The following DMRT1 variants were observed in gnomAD, a reference collection of about 807,000 sequenced individuals.
The protein encoded by DMRT1 is doublesex and mab-3 related transcription factor 1.
A neutral mutation model predicts 32.3 loss-of-function variants in DMRT1; 7 were observed. The ratio of observed to expected loss-of-function variants is 0.22; its 90% confidence interval spans 0.12 to 0.41. DMRT1 has a LOEUF of 0.41. Ranked by LOEUF, DMRT1 falls within the 10% of genes least tolerant of loss-of-function variation. DMRT1 has a pLI of 1.00. For missense variants in DMRT1, 625 were observed against 500.5 expected, an observed-to-expected ratio of 1.25 and a Z score of -2.37; for synonymous variants, 278 against 206.1, an observed-to-expected ratio of 1.35 and a Z score of -2.99.
intron 2 of DMRT1, among the ~76,000 whole-genome samples, chr9:879,953 A>T (rs2132627177): frequency 6.6e-6 from 1 of 152,358 alleles, no homozygotes; most frequent in South Asian, 2.1e-4. Context: ...TGTTAGAATA[A>T]TCTTCAAGTT....
chr9:967,168 T>G (rs1819955762), intron 4 of DMRT1, among the ~76,000 whole-genome samples: 1 of 151,934 alleles, frequency 6.6e-6, no homozygotes, highest in African/African-American at 2.4e-5. Flanking sequence ...AGGAAGGGAG[T>G]TCTGGGGGTG....
chr9:960,039 T>G (rs1819721898), intron 4 of DMRT1, among the ~76,000 whole-genome samples: 1 of 152,220 alleles, frequency 6.6e-6, no homozygotes, highest in African/African-American at 2.4e-5. Flanking sequence ...TACCCGAGGT[T>G]TGTCTTTTAC....
intron 2 of DMRT1, among the ~76,000 whole-genome samples, chr9:869,745 CATT>C (rs776552176): frequency 4.6e-5 from 7 of 152,062 alleles, no homozygotes; most frequent in Non-Finnish European, 1.0e-4. Context: ...ATCTGTTTCT[CATT>C]ATTTTCTATT....
Position 841,835 on chromosome 9 carries a change from C to A in DMRT1, c.-4C>A. The A allele has an allele frequency of 6.2e-7, 1 of 1,609,234 alleles. No homozygotes were observed. The highest frequency in any genetic ancestry group is 8.5e-7 in the Non-Finnish European group (1 of 1,178,202). On this transcript the variant is annotated 5_prime_UTR_variant, in exon 1 of 5. Transcript: ENST00000382276. ...AGAGTGCTCGCACTTCTCCTAGGGG[C>A]ACCATGCCCAACGACGAGGCATTCA...
At chr9:877,381 A>G (rs1023953695) in intron 2 of DMRT1, among the ~76,000 whole-genome samples, 8 of 152,200 alleles carry the variant, frequency 5.3e-5, no homozygotes, top group African/African-American at 1.9e-4. Context: ...ATGGTAGAGG[A>G]GACAAAGAAA....
chr9:845,202 C>G (rs1196990233), intron 1 of DMRT1, among the ~76,000 whole-genome samples: 1 of 151,864 alleles, frequency 6.6e-6, no homozygotes, highest in African/African-American at 2.4e-5. Context: ...TTTTTTCAAT[C>G]TTATTATTTA....
intron 1 of DMRT1, among the ~76,000 whole-genome samples, chr9:843,906 T>C (rs556409116): frequency 8.5e-5 from 13 of 152,334 alleles, no homozygotes; most frequent in African/African-American, 2.4e-5. Context: ...AATTTCTTAA[T>C]AGATTTTTAA....
chr9:952,926 A>G (rs566391871), intron 4 of DMRT1, among the ~76,000 whole-genome samples: 42 of 152,138 alleles, frequency 2.8e-4, no homozygotes, highest in Non-Finnish European at 4.4e-4. Flanking sequence ...TTTGTTGATC[A>G]TTTTTTAAAG....
intron 2 of DMRT1, among the ~76,000 whole-genome samples, chr9:874,253 A>G (rs771619272): frequency 4.6e-5 from 7 of 152,068 alleles, no homozygotes; most frequent in Non-Finnish European, 8.8e-5. Flanking sequence ...GTTTTTTGAG[A>G]TGGTGTAAGT....
intron 4 of DMRT1, among the ~76,000 whole-genome samples, chr9:944,855 G>C (rs919679287): frequency 9.9e-5 from 15 of 151,844 alleles, no homozygotes; most frequent in Non-Finnish European, 2.1e-4. Context: ...GTGTATTTTA[G>C]TTCTGTTAGT....
chr9:882,673 C>G (rs1435247625), intron 2 of DMRT1, among the ~76,000 whole-genome samples: 4 of 151,758 alleles, frequency 2.6e-5, no homozygotes, highest in Non-Finnish European at 5.9e-5. Flanking sequence ...TGTGTTTGCT[C>G]AGCCTCATGT....
At chr9:939,620 G>T (rs1003010415) in intron 4 of DMRT1, among the ~76,000 whole-genome samples, 1 of 152,110 alleles carries the variant, frequency 6.6e-6, no homozygotes, top group East Asian at 1.9e-4. Context: ...AGAGGGCTTT[G>T]CATTATTCTC....
intron 3 of DMRT1, among the ~76,000 whole-genome samples, chr9:907,829 ATGTGTGTGTGTG>A (rs3084903): frequency 1.3e-5 from 2 of 149,428 alleles, no homozygotes; most frequent in Non-Finnish European, 3.0e-5. Flanking sequence ...TAAAATATAT[ATGTGTGTGTGTG>A]TGTGTGTGTG....
chr9:867,605 G>A lies in DMRT1; in HGVS notation c.538+20462G>A, dbSNP rs571650580. On this transcript the variant is annotated intron_variant, in intron 2 of 4. Transcript: ENST00000382276. The stretch of plus-strand genomic sequence containing the variant: ...CCAATTATAGGGAAATTGAGGTTTA[G>A]TAACTTCCACAAGATGGCATGTGTA... Among the ~76,000 whole-genome samples, 53 of 152,294 alleles carry A rather than the reference G, an allele frequency of 3.5e-4. 1 individual carries two copies. The South Asian group carries it at 3.5e-3, about 10-fold the overall frequency.
chr9:958,508 AGG>A (rs1025075998), intron 4 of DMRT1, among the ~76,000 whole-genome samples: 1 of 152,102 alleles, frequency 6.6e-6, no homozygotes, highest in Non-Finnish European at 1.5e-5. Flanking sequence ...CTGGGATTAC[AGG>A]CGCACACCAC....
chr9:888,173 G>T (rs1285890828), intron 2 of DMRT1, among the ~76,000 whole-genome samples: 2 of 152,200 alleles, frequency 1.3e-5, no homozygotes, highest in African/African-American at 4.8e-5. Context: ...TAGAATAAAT[G>T]AAGAAAGTCT....
At chr9:960,050 C>G (rs1397294472) in intron 4 of DMRT1, among the ~76,000 whole-genome samples, 2 of 152,154 alleles carry the variant, frequency 1.3e-5, no homozygotes, top group Admixed American at 1.3e-4. Flanking sequence ...TGTCTTTTAC[C>G]TTGTGGACTT....
At position 968,173 on chromosome 9, in the gene DMRT1, G is replaced by T. The variant is rs1819997925; in HGVS notation, c.*34G>T. On this transcript the variant is annotated 3_prime_UTR_variant, in exon 5 of 5. Coordinates refer to ENST00000382276, the MANE Select transcript of DMRT1 (RefSeq NM_021951.3). ...TGCTGCCGATGGCGGTTCACTTGGA[G>T]TAACAGGCTTATTCCACTTTCCATG... 1 of 1,612,080 alleles carries T rather than the reference G, an allele frequency of 6.2e-7. No homozygotes were observed. Among genetic ancestry groups the T allele is most frequent in the South Asian group, 1.1e-5 (1 of 90,948 alleles).
chr9:861,257 G>C (rs10977174), intron 2 of DMRT1, among the ~76,000 whole-genome samples: 1 of 151,572 alleles, frequency 6.6e-6, no homozygotes, highest in Non-Finnish European at 1.5e-5. Context: ...AGATTAGGGA[G>C]TGGTGATGAC....
Sources: gnomAD v4.1 joint callset for allele counts (sites outside exome capture counted in the v4.1 genomes callset) on GRCh38, gnomAD v4.1.1 for gene constraint, MANE v1.5 for transcripts, NCBI Gene and HGNC (gene_info 2026-07-23, HGNC 2026-07-21) for gene names.